The following MYH7B variants were observed in gnomAD, a reference collection of about 807,000 sequenced individuals.
The protein encoded by MYH7B is myosin-7B.
In MYH7B, 205 loss-of-function variants were observed where a neutral mutation model predicts 234.5. That is an observed-to-expected ratio of 0.87 (90% CI 0.78 to 0.98). The LOEUF is 0.98. MYH7B is among the 50% of genes least tolerant of loss of function. The probability of loss-of-function intolerance (pLI) is 0.00; values close to 1 mark genes in which losing one functional copy is unlikely to be tolerated. For synonymous variants in MYH7B, 1,193 were observed against 1,105.0 expected (o/e 1.08, Z -1.58); for missense variants, 2,652 against 2,633.4 (o/e 1.01, Z -0.15).
intron 2 of MYH7B, among the ~76,000 whole-genome samples, chr20:34,968,955 A>G (rs2081768154): frequency 6.6e-6 from 1 of 152,218 alleles, no homozygotes; most frequent in East Asian, 1.9e-4. Flanking sequence ...AACTGCTGGC[A>G]TTATCTAGGC....
chr20:34,967,456 C>A (rs2081753219), intron 2 of MYH7B, among the ~76,000 whole-genome samples: 3 of 151,982 alleles, frequency 2.0e-5, no homozygotes, highest in Admixed American at 2.0e-4. Flanking sequence ...TACCCTCAGA[C>A]CCTCTGGGTA....
intron 22 of MYH7B, 124 bp from the exon 23 acceptor site, chr20:34,990,614 G>A: frequency 1.2e-6 from 1 of 854,874 alleles, no homozygotes; most frequent in Non-Finnish European, 1.9e-6. Context: ...ACCAGAATGA[G>A]AGTGAAAGAG....
chr20:34,994,070 A>G, intron 26 of MYH7B, 76 bp from the exon 27 acceptor site: 4 of 1,555,928 alleles, frequency 2.6e-6, no homozygotes, highest in Non-Finnish European at 3.5e-6. Flanking sequence ...AGGCAAAACA[A>G]GTGAACTGTG....
chr20:34,979,912 G>A (rs2147173272), intron 7 of MYH7B, 108 bp downstream of exon 7: 1 of 1,268,546 alleles, frequency 7.9e-7, no homozygotes, highest in Non-Finnish European at 1.1e-6. Flanking sequence ...GCTGTGAGCG[G>A]TGGATCGGGG....
At position 34,999,893 on chromosome 20, in the gene MYH7B, T is replaced by C. The variant is rs761042149; in HGVS notation, c.4768T>C (p.Cys1590Arg). The C allele has an allele frequency of 5.0e-6, 8 of 1,612,792 alleles. No individual in the cohort carries two copies. The African/African-American group carries it at 1.1e-4, about 22-fold the overall frequency. The change falls in exon 38 of 45, where the codon TGC becomes CGC. Residue 1590 changes from cysteine to arginine, a missense_variant. Cys to Arg is a radical substitution (Grantham distance 180). Transcript: ENST00000262873. ...GAAGCTGGCAGAGAAAGACGAGGAG[T>C]GCGCTAACCTGAGGTGTGTCCATCC...
intron 17 of MYH7B, 38 bp downstream of exon 17, chr20:34,987,713 G>C (rs766221027): frequency 4.3e-6 from 7 of 1,612,260 alleles, no homozygotes; most frequent in Non-Finnish European, 5.9e-6. Flanking sequence ...GGGGACAGCC[G>C]GGCAGGGTCC....
exon 8 of MYH7B, chr20:34,980,670 C>A (rs368402495): frequency 1.2e-6 from 2 of 1,614,094 alleles, no homozygotes; most frequent in East Asian, 2.2e-5. Flanking sequence ...AGGGAAAGCG[C>A]CGCTCAGATT....
chr20:34,998,861 G>C (rs773036927), exon 35 of MYH7B: 1 of 1,613,282 alleles, frequency 6.2e-7, no homozygotes, highest in Non-Finnish European at 8.5e-7. Flanking sequence ...GCCCAGTGGA[G>C]GAGCAAGTAC....
chr20:34,993,252 G>A, intron 25 of MYH7B, 27 bp downstream of exon 25: 1 of 1,614,030 alleles, frequency 6.2e-7, no homozygotes, highest in Non-Finnish European at 8.5e-7. Flanking sequence ...ATCAGGGCTG[G>A]CCATGGCTGT....
intron 3 of MYH7B, among the ~76,000 whole-genome samples, chr20:34,975,802 G>C (rs2081845974): frequency 6.6e-6 from 1 of 152,138 alleles, no homozygotes; most frequent in Non-Finnish European, 1.5e-5. Flanking sequence ...TGCAAGCTCT[G>C]CCTCCCGGGT....
In MYH7B at chr20:35,001,890, G is replaced by A. The variant is rs547442509; in HGVS notation, c.5677-58G>A. 1.1e-3 allele frequency: 1,700 copies of A among 1,574,596 alleles called. 3 individuals are homozygous for A. Among genetic ancestry groups the A allele is most frequent in the Non-Finnish European group, 1.3e-3 (1,531 of 1,159,202 alleles). On this transcript the variant is annotated intron_variant, in intron 43 of 44. Transcript: ENST00000262873. ...AGCTCCCTTCTTGGACTGGGGCAGG[G>A]ACCAGAATAAGCATCTCAGTCACCC... is the stretch of plus-strand genomic sequence containing the variant.
Position 34,982,528 on chromosome 20 carries a change from C to T in MYH7B, c.597C>T (p.Ala199=), listed in dbSNP as rs759549511. ...TTCAGTACTTTGCCATCGTCGCTGC[C>T]CTGGGAGACGGGCCGGGCAAGAAGG... is the stretch of plus-strand genomic sequence containing the variant. Residue 199 remains alanine (A), a synonymous_variant, in exon 10 of 45, where the codon GCC becomes GCT. Coordinates refer to ENST00000262873, the Ensembl canonical transcript of MYH7B. 9.9e-6 allele frequency: 16 copies of T among 1,610,592 alleles called. No individual in the cohort carries two copies. The East Asian group carries it at 2.7e-4, about 27-fold the overall frequency.
chr20:34,958,793 T>C (rs554168913), intron 2 of MYH7B, among the ~76,000 whole-genome samples: 5 of 152,294 alleles, frequency 3.3e-5, no homozygotes, highest in South Asian at 4.1e-4. Flanking sequence ...GTTATTCATA[T>C]CTGAAATTGT....
chr20:34,999,759 C>T (rs201866508), intron 37 of MYH7B, 32 bp from the exon 38 acceptor site: 88 of 1,245,694 alleles, frequency 7.1e-5, no homozygotes, highest in East Asian at 1.3e-4. Flanking sequence ...ATCCCCCCCC[C>T]CCACCCTACC....
At chr20:34,998,837 C>A in exon 35 of MYH7B, 2 of 1,613,238 alleles carry the variant, frequency 1.2e-6, no homozygotes, top group Non-Finnish European at 1.7e-6. Flanking sequence ...CTGTCCAAGG[C>A]CAATGCCGAG....
intron 2 of MYH7B, among the ~76,000 whole-genome samples, chr20:34,973,509 G>A (rs371425175): frequency 3.3e-5 from 5 of 152,146 alleles, no homozygotes; most frequent in Admixed American, 6.5e-5. Context: ...TCCTGAAATC[G>A]GAACGAACTT....
At chr20:34,987,591 C>T (rs754653472) in exon 17 of MYH7B, 14 of 1,613,972 alleles carry the variant, frequency 8.7e-6, no homozygotes, top group Non-Finnish European at 1.2e-5. Flanking sequence ...TGGGGGTCAG[C>T]AGTGGGGACC....
At chr20:34,966,574 G>A (rs912033303) in intron 2 of MYH7B, among the ~76,000 whole-genome samples, 3 of 152,106 alleles carry the variant, frequency 2.0e-5, no homozygotes, top group East Asian at 3.8e-4. Flanking sequence ...GAATTGACAC[G>A]GGTGATGAAG....
rs906667028 is a variant in MYH7B at position 34,985,764 on chromosome 20, GACAC to G, written c.806-330_806-327del. Among the ~76,000 whole-genome samples the G allele has an allele frequency of 2.2e-4, 33 of 152,046 alleles. No homozygotes were observed. In the East Asian group the frequency reaches 2.9e-3, roughly 13 times the overall value. On this transcript the variant is annotated intron_variant, in intron 13 of 44. Coordinates refer to ENST00000262873, the Ensembl canonical transcript of MYH7B. ...TAATTCACACCCTGACCCCTACACA[GACAC>G]ACACAGACACACACGGAGGCTCGGC...
Sources: allele counts gnomAD v4.1 joint callset (sites outside exome capture counted in the v4.1 genomes callset), GRCh38; gene constraint gnomAD v4.1.1; transcripts MANE v1.5; gene names NCBI Gene and HGNC (gene_info 2026-07-23, HGNC 2026-07-21).